TRUB1: variants seen among roughly 807,000 people sequenced by gnomAD.
TRUB1 encodes the protein pseudouridylate synthase TRUB1.
In TRUB1, 23 loss-of-function variants were observed where a neutral mutation model predicts 33.9. That is an observed-to-expected ratio of 0.68 (90% confidence interval 0.49 to 0.96). The LOEUF (loss-of-function observed/expected upper bound fraction) is 0.96, where lower values mean the gene tolerates loss of function less well. Among genes scored for constraint, TRUB1 ranks in the 40% least tolerant of loss-of-function variants. The pLI, the probability that TRUB1 is intolerant of heterozygous loss-of-function variation, is 0.00. For missense variants in TRUB1, 378 were observed against 422.2 expected, an observed-to-expected ratio of 0.90 and a Z score of 0.92; for synonymous variants, 163 against 165.4, an observed-to-expected ratio of 0.99 and a Z score of 0.11.
chr10:114,942,751 A>C lies in TRUB1; in HGVS notation c.385+8A>C, dbSNP rs781367995. 6.3e-7 allele frequency: 1 copy of C among 1,586,808 alleles called. No homozygotes were observed. The highest frequency in any genetic ancestry group is 8.7e-7 in the Non-Finnish European group (1 of 1,155,508). On this transcript the variant is annotated splice_region_variant and intron_variant, in intron 2 of 7. Transcript: ENST00000298746. The stretch of plus-strand genomic sequence containing the variant: ...CAGCCCGAGGAGTTCTGGGTAAGAG[A>C]TATGAAAGGCAGTTAAGTGTCCACT...
In TRUB1 at chr10:114,977,367, A is replaced by G. The variant is rs1375427464; in HGVS notation, c.*1988A>G. ...GATTATTTTAATTATATTACTTTAT[A>G]CTCTTAATTTATTTAGAGTATTTCT... is the stretch of plus-strand genomic sequence containing the variant. On this transcript the variant is annotated 3_prime_UTR_variant, in exon 8 of 8. Transcript: ENST00000298746. The G allele has an allele frequency of 7.2e-5, 11 of 151,990 alleles. No individual in the cohort carries two copies. The highest frequency in any genetic ancestry group is 2.6e-4 in the African/African-American group (11 of 41,526). 9.4% of individuals were successfully genotyped at this position (151,990 alleles called of 1,614,324 possible). A position where few individuals can be genotyped will look rare whatever the true frequency, so the allele number is the denominator to read the frequency against.
At chr10:114,953,103 A>G (rs948706708) in intron 3 of TRUB1, among the ~76,000 whole-genome samples, 7 of 152,320 alleles carry the variant, frequency 4.6e-5, no homozygotes, top group African/African-American at 1.2e-4. Context: ...CACACTATAT[A>G]TTACTGAAAG....
At chr10:114,940,551 T>A (rs979599070) in intron 1 of TRUB1, among the ~76,000 whole-genome samples, 1 of 152,232 alleles carries the variant, frequency 6.6e-6, no homozygotes, top group African/African-American at 2.4e-5. Flanking sequence ...CTCTACTGTT[T>A]GTCTGTTGGG....
At chr10:114,970,302 G>A (rs2084329469) in intron 4 of TRUB1, 66 bp from the exon 5 acceptor site, 1 of 1,112,338 alleles carries the variant, frequency 9.0e-7, no homozygotes, top group African/African-American at 1.6e-5. Context: ...AGGGCTGTTG[G>A]TGCTGTGAAA....
Position 114,951,137 on chromosome 10 carries a change from G to A in TRUB1, c.429G>A (p.Leu143=), listed in dbSNP as rs1255530738. ...GAACAAAAATGTTGACCAGTATGTT[G>A]TCAGGGTCCAAGGTAAGAATACTGA... ...GSGTKMLTSM[L]SGSKRYTAIG... Residue 143 remains leucine, a synonymous_variant, in exon 3 of 8, where the codon TTG becomes TTA. Coordinates refer to ENST00000298746, the MANE Select transcript of TRUB1 (RefSeq NM_139169.5). 1.9e-6 allele frequency: 3 copies of A among 1,612,230 alleles called. No homozygotes were observed. Among genetic ancestry groups the A allele is most frequent in the Middle Eastern group, 1.6e-4 (1 of 6,076 alleles).
chr10:114,959,891 A>G, intron 4 of TRUB1, 84 bp downstream of exon 4: 1 of 773,628 alleles, frequency 1.3e-6, no homozygotes, highest in Middle Eastern at 2.6e-4. Context: ...CAAATCTCTG[A>G]TATTATCAGC....
Position 114,975,437 on chromosome 10 carries a change from C to A in TRUB1, c.*58C>A. On this transcript the variant is annotated 3_prime_UTR_variant, in exon 8 of 8. Coordinates refer to ENST00000298746, the MANE Select transcript of TRUB1 (RefSeq NM_139169.5). ...GACATTTGAATCCTGTGTGCAGATG[C>A]AGAATGACAAGCTGCATTCAAAAGA... is the stretch of plus-strand genomic sequence containing the variant. The A allele has an allele frequency of 7.0e-7, 1 of 1,426,820 alleles. No individual in the cohort carries two copies. The highest frequency in any genetic ancestry group is 1.6e-5 in the South Asian group (1 of 61,640). The allele number at this position is 1,426,820 out of a possible 1,614,324, so 88.4% of individuals were successfully genotyped here. A position where few individuals can be genotyped will look rare whatever the true frequency, so the allele number is the denominator to read the frequency against.
intron 3 of TRUB1, among the ~76,000 whole-genome samples, chr10:114,953,793 A>G (rs570592183): frequency 4.6e-5 from 7 of 152,276 alleles, no homozygotes; most frequent in African/African-American, 1.7e-4. Context: ...ACTTGTGGCC[A>G]TGTCGCATGG....
chr10:114,958,550 T>C (rs2084271153), intron 3 of TRUB1, among the ~76,000 whole-genome samples: 1 of 152,218 alleles, frequency 6.6e-6, no homozygotes. Context: ...CTTATATTTC[T>C]GCAAAGTACT....
chr10:114,975,545 G>A lies in TRUB1; in HGVS notation c.*166G>A, dbSNP rs780380796. ...CAATAGCACATAATTTATTTTCTATGCATTATAAATGGCCTTGCAGTTGGC... is the reference window on the plus strand; with the variant it reads ...CAATAGCACATAATTTATTTTCTATACATTATAAATGGCCTTGCAGTTGGC... On this transcript the variant is annotated 3_prime_UTR_variant, in exon 8 of 8. Transcript: ENST00000298746. 36 of 642,380 alleles carry A rather than the reference G, an allele frequency of 5.6e-5. No individual in the cohort carries two copies. Among genetic ancestry groups the A allele is most frequent in the Non-Finnish European group, 8.6e-5 (35 of 408,656 alleles). 39.8% of individuals were successfully genotyped at this position (642,380 alleles called of 1,614,324 possible).
chr10:114,961,742 G>C (rs1481289495), intron 4 of TRUB1, among the ~76,000 whole-genome samples: 3 of 152,148 alleles, frequency 2.0e-5, no homozygotes, highest in Admixed American at 6.5e-5. Flanking sequence ...TTTTCTGTGT[G>C]CTTTCAGTAA....
At chr10:114,942,187 A>G (rs1268075859) in intron 1 of TRUB1, among the ~76,000 whole-genome samples, 4 of 152,180 alleles carry the variant, frequency 2.6e-5, no homozygotes, top group Non-Finnish European at 5.9e-5. Context: ...CCTGCATGAG[A>G]TGTACTCGCA....
chr10:114,963,966 CGT>C (rs35359334), intron 4 of TRUB1, among the ~76,000 whole-genome samples: 54,353 of 148,630 alleles, frequency 0.37, 10,311 homozygotes, highest in African/African-American at 0.48. Flanking sequence ...GAATATAGGT[CGT>C]GTGTGTGTGT....
intron 5 of TRUB1, 30 bp from the exon 6 acceptor site, chr10:114,972,105 C>T (rs776049835): frequency 1.2e-6 from 2 of 1,609,784 alleles, no homozygotes; most frequent in South Asian, 1.1e-5. Flanking sequence ...CTCTCCTTTC[C>T]TTCCATTTCT....
At chr10:114,974,671 C>G (rs1213862938) in intron 7 of TRUB1, among the ~76,000 whole-genome samples, 1 of 150,084 alleles carries the variant, frequency 6.7e-6, no homozygotes, top group Non-Finnish European at 1.5e-5. Flanking sequence ...GATTTTAACT[C>G]AAACTAGGGA....
Position 114,972,261 on chromosome 10 carries a change from A to AT in TRUB1, c.728dup (p.Thr244HisfsTer5), listed in dbSNP as rs2084340249. 6 of 1,605,170 alleles carry AT rather than the reference A, an allele frequency of 3.7e-6. No homozygotes were observed. In the Admixed American group the frequency reaches 8.8e-5, roughly 23 times the overall value. On this transcript the variant is annotated frameshift_variant, in exon 6 of 8. Transcript: ENST00000298746. LOFTEE classifies it high-confidence loss of function. ...TCTCCCTTCAAAAATTCCAGCCACC[A>AT]TTTTTCACATTAGGTAAGATGGAGA...
chr10:114,965,385 A>G (rs1428715766), intron 4 of TRUB1, among the ~76,000 whole-genome samples: 1 of 152,304 alleles, frequency 6.6e-6, no homozygotes, highest in East Asian at 1.9e-4. Flanking sequence ...TTCACATATT[A>G]AAGTAACTTT....
chr10:114,974,422 G>A, intron 7 of TRUB1, 37 bp downstream of exon 7: 1 of 1,531,644 alleles, frequency 6.5e-7, no homozygotes, highest in Non-Finnish European at 9.0e-7. Context: ...ATCATTTAGA[G>A]AATAATACTC....
In TRUB1 at chr10:114,974,291, G is replaced by C. The variant is rs773578368; in HGVS notation, c.737-38G>C. The C allele has an allele frequency of 1.0e-5, 16 of 1,524,148 alleles. No homozygotes were observed. In the African/African-American group the frequency reaches 1.8e-4, roughly 17 times the overall value. The allele number at this position is 1,524,148 out of a possible 1,614,324, so 94.4% of individuals were successfully genotyped here. On this transcript the variant is annotated intron_variant, in intron 6 of 7. Coordinates refer to ENST00000298746, the MANE Select transcript of TRUB1 (RefSeq NM_139169.5). ...TTTCTATGTAAAGTGGATTTCATAG[G>C]AGGTTAGCAATTTACTATGTCACTG...
Sources: allele counts gnomAD v4.1 joint callset (sites outside exome capture counted in the v4.1 genomes callset), GRCh38; gene constraint gnomAD v4.1.1; transcripts MANE v1.5; gene names NCBI Gene and HGNC (gene_info 2026-07-23, HGNC 2026-07-21).